The following FERMT1 variants were observed in gnomAD, a reference collection of about 807,000 sequenced individuals.
FERMT1 encodes the protein fermitin family homolog 1.
A neutral mutation model predicts 85.3 loss-of-function variants in FERMT1; 60 were observed. That is an observed-to-expected ratio of 0.70 (90% CI 0.57 to 0.87). FERMT1 has a LOEUF of 0.87. Among genes scored for constraint, FERMT1 ranks in the 40% least tolerant of loss-of-function variants. The pLI is 0.00. For missense variants in FERMT1, 701 were observed against 818.9 expected (o/e 0.86, Z 1.76); for synonymous variants, 275 against 301.1 (o/e 0.91, Z 0.90).
chr20:6,091,139 G>A (rs772354244), intron 9 of FERMT1, among the ~76,000 whole-genome samples: 27 of 152,090 alleles, frequency 1.8e-4, no homozygotes, highest in Admixed American at 5.2e-4. Context: ...CTCCAGCTTG[G>A]GTGACAGAGC....
intron 5 of FERMT1, 101 bp downstream of exon 5, chr20:6,110,197 C>T (rs2123140456): frequency 9.7e-7 from 1 of 1,036,264 alleles, no homozygotes; most frequent in Non-Finnish European, 1.5e-6. Context: ...GCAAATAAAG[C>T]ACAATCCCTA....
chr20:6,079,897 G>C (rs1241034955), intron 13 of FERMT1, among the ~76,000 whole-genome samples: 1 of 152,198 alleles, frequency 6.6e-6, no homozygotes, highest in African/African-American at 2.4e-5. Context: ...AGATATAGTA[G>C]TAAACTAAAC....
At chr20:6,096,014 G>A (rs998537543) in intron 8 of FERMT1, among the ~76,000 whole-genome samples, 1 of 152,178 alleles carries the variant, frequency 6.6e-6, no homozygotes, top group Admixed American at 6.5e-5. Context: ...AACAGGAGGG[G>A]CATTTCAGTT....
At chr20:6,092,871 C>T (rs769513978) in intron 9 of FERMT1, among the ~76,000 whole-genome samples, 4 of 152,022 alleles carry the variant, frequency 2.6e-5, no homozygotes, top group African/African-American at 7.2e-5. Context: ...GCTGATGCTG[C>T]GTTTGTAGAA....
At chr20:6,108,682 T>G (rs1306079501) in intron 5 of FERMT1, among the ~76,000 whole-genome samples, 1 of 151,996 alleles carries the variant, frequency 6.6e-6, no homozygotes, top group South Asian at 2.1e-4. Context: ...TTGTGGCACA[T>G]GGCTGTAATC....
intron 3 of FERMT1, among the ~76,000 whole-genome samples, chr20:6,114,920 A>AGT (rs3060084): frequency 0.17 from 25,380 of 152,138 alleles, 2,797 homozygotes; most frequent in East Asian, 0.47. Context: ...TTTATTGGTT[A>AGT]GTGTCTGTCT....
At chr20:6,101,222 A>G (rs1448453514) in intron 6 of FERMT1, among the ~76,000 whole-genome samples, 2 of 152,248 alleles carry the variant, frequency 1.3e-5, no homozygotes, top group Non-Finnish European at 2.9e-5. Context: ...TTAAGCTTTT[A>G]GTATCGTTTT....
At chr20:6,085,381 A>G in intron 11 of FERMT1, 94 bp from the exon 12 acceptor site, 1 of 1,086,680 alleles carries the variant, frequency 9.2e-7, no homozygotes, top group Non-Finnish European at 1.4e-6. Context: ...ATTACAGTGC[A>G]AAACCATCAC....
intron 2 of FERMT1, among the ~76,000 whole-genome samples, chr20:6,118,752 G>A (rs1439586927): frequency 6.6e-6 from 1 of 152,112 alleles, no homozygotes; most frequent in Non-Finnish European, 1.5e-5. Flanking sequence ...ATAGTAAACG[G>A]TGGATAAGTG....
At chr20:6,111,718 T>C (rs190612126) in intron 4 of FERMT1, among the ~76,000 whole-genome samples, 33 of 152,260 alleles carry the variant, frequency 2.2e-4, no homozygotes, top group African/African-American at 1.7e-4. Flanking sequence ...TGTTTTGATA[T>C]AAAAAGAAAA....
In FERMT1 at chr20:6,075,899, C is replaced by T. The variant is rs1981806059; in HGVS notation, c.*1274G>A. The stretch of plus-strand genomic sequence containing the variant: ...GCTTTTGACCTTCTCAAAACCCACC[C>T]CTCCCACCTCTAACAAACCAAAATG... On this transcript the variant is annotated 3_prime_UTR_variant, in exon 15 of 15. Transcript: ENST00000217289. 1 of 152,360 alleles carries T rather than the reference C, an allele frequency of 6.6e-6. No homozygotes were observed. Among genetic ancestry groups the T allele is most frequent in the Non-Finnish European group, 1.5e-5 (1 of 68,078 alleles). The allele number at this position is 152,360 out of a possible 1,614,324, so 9.4% of individuals were successfully genotyped here.
chr20:6,088,379 C>T (rs1278063811), intron 10 of FERMT1, among the ~76,000 whole-genome samples: 1 of 152,206 alleles, frequency 6.6e-6, no homozygotes, highest in Non-Finnish European at 1.5e-5. Context: ...GATCTTACAG[C>T]ACCTCATGTG....
In FERMT1 at chr20:6,087,757, AT is replaced by A; in HGVS notation, c.1371+19del. On this transcript the variant is annotated intron_variant, in intron 11 of 14. Coordinates refer to ENST00000217289, the MANE Select transcript of FERMT1 (RefSeq NM_017671.5). The stretch of plus-strand genomic sequence containing the variant: ...CTTAGTGGAGGTGAAGTGACTTAAT[AT>A]TTTTGGGGTTTTACTCACATGGTCA... 2 of 1,353,064 alleles carry A rather than the reference AT, an allele frequency of 1.5e-6. No individual in the cohort carries two copies. The highest frequency in any genetic ancestry group is 2.1e-6 in the Non-Finnish European group (2 of 941,652). The allele number at this position is 1,353,064 out of a possible 1,614,324, so 83.8% of individuals were successfully genotyped here.
intron 1 of FERMT1, among the ~76,000 whole-genome samples, chr20:6,121,930 CG>C (rs1160827096): frequency 1.3e-5 from 2 of 152,334 alleles, no homozygotes; most frequent in Admixed American, 6.5e-5. Context: ...GCCCCTTCAT[CG>C]TCAAACTCAT....
chr20:6,110,030 A>C (rs1429812484), intron 5 of FERMT1, among the ~76,000 whole-genome samples: 7 of 152,210 alleles, frequency 4.6e-5, no homozygotes, highest in Admixed American at 1.3e-4. Context: ...ATCCCACAAA[A>C]TATACTTTGC....
chr20:6,081,449 A>C (rs948353278), intron 13 of FERMT1, among the ~76,000 whole-genome samples: 11 of 152,130 alleles, frequency 7.2e-5, no homozygotes, highest in African/African-American at 2.7e-4. Flanking sequence ...GGGGTGACTC[A>C]TTGTGTCAAA....
chr20:6,119,743 T>G (rs1453631776), intron 1 of FERMT1, among the ~76,000 whole-genome samples, 171 bp from the exon 2 acceptor site: 2 of 152,214 alleles, frequency 1.3e-5, no homozygotes, highest in Non-Finnish European at 2.9e-5. Context: ...ATCTTAACTT[T>G]GAAGACAAAA....
chr20:6,099,711 A>T (rs1982605550), intron 6 of FERMT1, among the ~76,000 whole-genome samples: 1 of 148,358 alleles, frequency 6.7e-6, no homozygotes, highest in Non-Finnish European at 1.5e-5. Flanking sequence ...TCTTGTCTCT[A>T]TTTTTTTAAA....
chr20:6,097,575 T>C lies in FERMT1; in HGVS notation c.906A>G (p.Leu302=). The C allele has an allele frequency of 6.2e-7, 1 of 1,614,108 alleles. No homozygotes were observed. Among genetic ancestry groups the C allele is most frequent in the Middle Eastern group, 1.6e-4 (1 of 6,062 alleles). The change falls in exon 7 of 15, where the codon TTA becomes TTG. Residue 302 remains leucine, a synonymous_variant. Coordinates refer to ENST00000217289, the MANE Select transcript of FERMT1 (RefSeq NM_017671.5). The part of the protein sequence containing the change: ...LYEQARWAIL[L]EEIDCTEEEM... ...CTTCCTCTGTGCAATCAATTTCTTC[T>C]AAGAGAATGGCCCACCTGGCTTGCT...
Sources: allele counts gnomAD v4.1 joint callset (sites outside exome capture counted in the v4.1 genomes callset), GRCh38; gene constraint gnomAD v4.1.1; transcripts MANE v1.5; gene names NCBI Gene and HGNC (gene_info 2026-07-23, HGNC 2026-07-21).